CYP7B1: variants seen among roughly 807,000 people sequenced by gnomAD.
CYP7B1 encodes cytochrome P450 7B1.
CYP7B1 carries 29 observed loss-of-function variants against 42.7 expected under a neutral mutation model. The observed-to-expected ratio is 0.68, with a 90% confidence interval of 0.51 to 0.93. The LOEUF is 0.93. Ranked by LOEUF, CYP7B1 falls within the 40% of genes least tolerant of loss-of-function variation. The probability of loss-of-function intolerance (pLI) is 0.00; values close to 1 mark genes in which losing one functional copy is unlikely to be tolerated. For synonymous variants in CYP7B1, 235 were observed against 218.2 expected (o/e 1.08, Z -0.68); for missense variants, 655 against 600.5 (o/e 1.09, Z -0.95).
In CYP7B1 at chr8:64,615,709, C is replaced by T. The variant is rs751907012; in HGVS notation, c.832G>A (p.Glu278Lys). The change falls in exon 3 of 6, where the codon GAG (glutamate) becomes AAG (lysine). Residue 278 changes from glutamate to lysine, a missense_variant. Physicochemically the swap from Glu to Lys is moderately conservative, Grantham distance 56 (BLOSUM62 1). Transcript: ENST00000310193. ...TTCTTACCTCCTATTTCAAGGTCCT[C>T]GTGCACATAATATTTCTCCAGGACA... ...QDVLEKYYVH[E>K]DLEIGAHHLG... is the part of the protein sequence containing the mutation. 2.1e-5 allele frequency: 34 copies of T among 1,613,404 alleles called. No homozygotes were observed. Among genetic ancestry groups the T allele is most frequent in the Admixed American group, 5.0e-5 (3 of 59,960 alleles).
At chr8:64,683,050 T>G (rs1313560281) in intron 1 of CYP7B1, among the ~76,000 whole-genome samples, 1 of 152,132 alleles carries the variant, frequency 6.6e-6, no homozygotes, top group Non-Finnish European at 1.5e-5. Context: ...TCAAAATATT[T>G]TCCAAATCCA....
chr8:64,770,707 C>G (rs1340276962), intron 1 of CYP7B1, among the ~76,000 whole-genome samples: 1 of 152,182 alleles, frequency 6.6e-6, no homozygotes, highest in Non-Finnish European at 1.5e-5. Flanking sequence ...CCTGGCACAC[C>G]AGAGTTACAC....
At chr8:64,787,312 A>T (rs562461248) in intron 1 of CYP7B1, among the ~76,000 whole-genome samples, 2 of 152,196 alleles carry the variant, frequency 1.3e-5, no homozygotes, top group South Asian at 4.1e-4. Context: ...TCTTGAACAC[A>T]TTGCCACTTA....
chr8:64,608,753 T>G (rs1406862094), intron 4 of CYP7B1, among the ~76,000 whole-genome samples: 1 of 152,184 alleles, frequency 6.6e-6, no homozygotes, highest in Non-Finnish European at 1.5e-5. Flanking sequence ...TACATAAGTG[T>G]CTTCAAGGCA....
chr8:64,594,916 G>T lies in CYP7B1; in HGVS notation c.*1726C>A, dbSNP rs1009509689. On this transcript the variant is annotated 3_prime_UTR_variant, in exon 6 of 6. Coordinates refer to ENST00000310193, the MANE Select transcript of CYP7B1 (RefSeq NM_004820.5). The stretch of plus-strand genomic sequence containing the variant: ...TCCATACTTGATGGGAGACACCTGT[G>T]CTCAGATTCAAGAAGCAGCAGGACA... 5.3e-5 allele frequency among the ~76,000 whole-genome samples: 8 copies of T among 152,160 alleles called. No homozygotes were observed. Among genetic ancestry groups the T allele is most frequent in the African/African-American group, 1.7e-4 (7 of 41,440 alleles).
intron 1 of CYP7B1, among the ~76,000 whole-genome samples, chr8:64,709,373 G>C (rs1443088284): frequency 6.6e-6 from 1 of 152,132 alleles, no homozygotes; most frequent in Non-Finnish European, 1.5e-5. Flanking sequence ...AGAAAAGAGT[G>C]TTATGCATTT....
intron 1 of CYP7B1, among the ~76,000 whole-genome samples, chr8:64,642,262 A>AT (rs755950958): frequency 0.03 from 4,417 of 146,532 alleles, 168 homozygotes; most frequent in African/African-American, 0.091. Flanking sequence ...TCTATTTTAA[A>AT]TTTTTTTTTT....
intron 1 of CYP7B1, among the ~76,000 whole-genome samples, chr8:64,720,864 G>C (rs1476400323): frequency 6.6e-6 from 1 of 151,952 alleles, no homozygotes; most frequent in African/African-American, 2.4e-5. Flanking sequence ...TTTCTCAGCA[G>C]GGGTTGCCAA....
chr8:64,590,533 A>G (rs1369487725), downstream of CYP7B1, among the ~76,000 whole-genome samples: 1 of 152,210 alleles, frequency 6.6e-6, no homozygotes, highest in East Asian at 1.9e-4. Context: ...TGTCCACACT[A>G]ATAGTGATTA....
intron 1 of CYP7B1, among the ~76,000 whole-genome samples, chr8:64,719,707 C>A (rs1261698748): frequency 1.3e-5 from 2 of 152,176 alleles, no homozygotes; most frequent in Admixed American, 6.5e-5. Context: ...ATCTGTCTTG[C>A]GTCTTCATTG....
At chr8:64,748,310 T>C (rs1397661863) in intron 1 of CYP7B1, among the ~76,000 whole-genome samples, 2 of 152,232 alleles carry the variant, frequency 1.3e-5, no homozygotes, top group South Asian at 2.1e-4. Flanking sequence ...TTCTCCTTCC[T>C]TTTCCTTCTA....
At chr8:64,617,382 AC>A (rs1362340040) in intron 2 of CYP7B1, among the ~76,000 whole-genome samples, 1 of 152,148 alleles carries the variant, frequency 6.6e-6, no homozygotes, top group Non-Finnish European at 1.5e-5. Flanking sequence ...TTGCTTGTTT[AC>A]CATCTGCATT....
At chr8:64,590,666 G>A (rs1805022107), downstream of CYP7B1, among the ~76,000 whole-genome samples, 1 of 152,126 alleles carries the variant, frequency 6.6e-6, no homozygotes, top group Non-Finnish European at 1.5e-5. Context: ...AACATACTCT[G>A]AAATAGTTAA....
chr8:64,652,349 A>G (rs181931057), intron 1 of CYP7B1, among the ~76,000 whole-genome samples: 19 of 152,280 alleles, frequency 1.2e-4, no homozygotes, highest in Admixed American at 1.0e-3. Context: ...AGAACGCTCC[A>G]CCCAAAAAAC....
At chr8:64,653,768 A>G (rs917471310) in intron 1 of CYP7B1, among the ~76,000 whole-genome samples, 6 of 152,198 alleles carry the variant, frequency 3.9e-5, no homozygotes, top group African/African-American at 1.4e-4. Context: ...CCTGCAAACC[A>G]AATCTAGCAG....
chr8:64,586,634 G>A (rs1337338676), downstream of CYP7B1, among the ~76,000 whole-genome samples: 1 of 152,210 alleles, frequency 6.6e-6, no homozygotes, highest in Non-Finnish European at 1.5e-5. Flanking sequence ...GAAAGCAGGA[G>A]TGGGAGGGAA....
intron 1 of CYP7B1, among the ~76,000 whole-genome samples, chr8:64,724,461 T>G (rs1014169025): frequency 6.6e-6 from 1 of 152,170 alleles, no homozygotes; most frequent in African/African-American, 2.4e-5. Context: ...GAATGAATTT[T>G]TTTTCCAAAA....
At chr8:64,716,794 G>A (rs529070299) in intron 1 of CYP7B1, among the ~76,000 whole-genome samples, 2 of 152,140 alleles carry the variant, frequency 1.3e-5, no homozygotes, top group Non-Finnish European at 2.9e-5. Context: ...TATGGCTCAG[G>A]TGTTGGTTGC....
intron 1 of CYP7B1, among the ~76,000 whole-genome samples, chr8:64,779,778 A>C (rs891141706): frequency 6.6e-6 from 1 of 152,170 alleles, no homozygotes; most frequent in African/African-American, 2.4e-5. Context: ...TTTCAAGTGT[A>C]CTAACGACCA....
Sources: allele counts gnomAD v4.1 joint callset (sites outside exome capture counted in the v4.1 genomes callset), GRCh38; gene constraint gnomAD v4.1.1; transcripts MANE v1.5; gene names NCBI Gene and HGNC (gene_info 2026-07-23, HGNC 2026-07-21).